CD8B2: variants seen among roughly 807,000 people sequenced by gnomAD.
CD8B2 encodes T-cell surface glycoprotein CD8 beta-2 chain.
A neutral mutation model predicts 23.7 loss-of-function variants in CD8B2; 11 were observed. The ratio of observed to expected loss-of-function variants is 0.46; its 90% confidence interval spans 0.29 to 0.77. The LOEUF (loss-of-function observed/expected upper bound fraction) is 0.77. CD8B2 is among the 30% of genes least tolerant of loss of function. The pLI is 0.09. For synonymous variants in CD8B2, 90 were observed against 109.3 expected (o/e 0.82, Z 1.10); for missense variants, 197 against 270.5 (o/e 0.73, Z 1.91).
intron 5 of CD8B2, among the ~76,000 whole-genome samples, chr2:106,532,182 T>G (rs1421146441): frequency 4.6e-5 from 7 of 152,220 alleles, no homozygotes; most frequent in African/African-American, 1.7e-4. Context: ...CATTTCTGTA[T>G]CTCCTTTGAA....
At chr2:106,500,808 T>A (rs993325742) in intron 3 of CD8B2, among the ~76,000 whole-genome samples, 3 of 151,604 alleles carry the variant, frequency 2.0e-5, no homozygotes, top group African/African-American at 7.3e-5. Context: ...TTTGGGACAT[T>A]GATAGTGTAA....
intron 3 of CD8B2, among the ~76,000 whole-genome samples, chr2:106,501,459 A>G (rs1252692994): frequency 2.6e-5 from 4 of 152,164 alleles, no homozygotes; most frequent in Admixed American, 2.0e-4. Flanking sequence ...AGGCGGGTGG[A>G]TCACTTGAGG....
chr2:106,524,197 T>C (rs934773151), intron 5 of CD8B2, among the ~76,000 whole-genome samples: 1 of 152,200 alleles, frequency 6.6e-6, no homozygotes, highest in Non-Finnish European at 1.5e-5. Flanking sequence ...CTTCCTGGGC[T>C]GGTTATTGTA....
intron 2 of CD8B2, among the ~76,000 whole-genome samples, chr2:106,493,728 C>T (rs1057149204): frequency 1.5e-4 from 23 of 152,170 alleles, no homozygotes; most frequent in Admixed American, 1.4e-3. Flanking sequence ...AATCTTTGCA[C>T]GTGAGGTAGT....
intron 5 of CD8B2, among the ~76,000 whole-genome samples, chr2:106,527,803 CAAA>C (rs1164963595): frequency 3.9e-5 from 1 of 25,816 alleles, no homozygotes; most frequent in East Asian, 1.3e-3. Flanking sequence ...CAAAACAAAA[CAAA>C]AAACAAACAA....
chr2:106,499,636 T>C (rs1397937283), intron 3 of CD8B2, among the ~76,000 whole-genome samples: 4 of 152,120 alleles, frequency 2.6e-5, no homozygotes, highest in Non-Finnish European at 5.9e-5. Context: ...ATTTACCAAG[T>C]TGGGCGACCG....
Position 106,508,574 on chromosome 2 carries a change from T to C in CD8B2, c.*1634T>C, listed in dbSNP as rs1679559219. ...GGAATAAACGCAGCAAAAGGAAGAA[T>C]TTATTGAAGTGAGAAAGCACTCCAC... On this transcript the variant is annotated 3_prime_UTR_variant, in exon 6 of 6. Coordinates refer to ENST00000643224, the MANE Select transcript of CD8B2 (RefSeq NM_001349727.2). The C allele has an allele frequency of 6.6e-6, 1 of 151,982 alleles. No individual in the cohort carries two copies. The highest frequency in any genetic ancestry group is 2.4e-5 in the African/African-American group (1 of 41,336). The allele number at this position is 151,982 out of a possible 1,614,324, so 9.4% of individuals were successfully genotyped here.
At chr2:106,489,099 T>G (rs1573326272) in intron 1 of CD8B2, among the ~76,000 whole-genome samples, 1 of 130,646 alleles carries the variant, frequency 7.7e-6, no homozygotes, top group Non-Finnish European at 1.6e-5. Context: ...GCCTCCCGGG[T>G]TCAAGCCATT....
intron 5 of CD8B2, among the ~76,000 whole-genome samples, chr2:106,519,395 A>G (rs925148876): frequency 2.6e-5 from 4 of 152,232 alleles, no homozygotes; most frequent in African/African-American, 9.6e-5. Flanking sequence ...TCTGAGTCTC[A>G]AACATTGGCC....
chr2:106,504,113 A>G (rs1679461439), intron 4 of CD8B2, among the ~76,000 whole-genome samples, 176 bp from the exon 5 acceptor site: 1 of 152,150 alleles, frequency 6.6e-6, no homozygotes, highest in Admixed American at 6.5e-5. Context: ...TATCCAACTC[A>G]GGTTTTCAGT....
chr2:106,491,706 C>T (rs1003748119), intron 2 of CD8B2, among the ~76,000 whole-genome samples: 2 of 152,106 alleles, frequency 1.3e-5, no homozygotes, highest in African/African-American at 2.4e-5. Flanking sequence ...AGCCACCACA[C>T]CTGGCTAATT....
At chr2:106,523,965 AGGAG>A (rs1679869533) in intron 5 of CD8B2, among the ~76,000 whole-genome samples, 1 of 152,200 alleles carries the variant, frequency 6.6e-6, no homozygotes, top group African/African-American at 2.4e-5. Flanking sequence ...TGTTAAGCCT[AGGAG>A]AGTAAATTTC....
chr2:106,515,081 G>A (rs982662608), downstream of CD8B2, among the ~76,000 whole-genome samples: 5 of 152,072 alleles, frequency 3.3e-5, no homozygotes, highest in African/African-American at 1.2e-4. Context: ...ATCTCCTTTC[G>A]CAACACTCTT....
intron 2 of CD8B2, among the ~76,000 whole-genome samples, chr2:106,493,309 C>T (rs1679229960): frequency 6.6e-6 from 1 of 152,228 alleles, no homozygotes; most frequent in African/African-American, 2.4e-5. Context: ...AGTTTTATTC[C>T]TTTTAAGAAC....
At position 106,535,962 on chromosome 2, in the gene CD8B2, G is replaced by A. The variant is rs113291118; in HGVS notation, c.621-8030G>A. Among the ~76,000 whole-genome samples the A allele has an allele frequency of 8.7e-3, 1,323 of 152,070 alleles. 7 individuals carry two copies. Among genetic ancestry groups the A allele is most frequent in the African/African-American group, 0.028 (1,170 of 41,454 alleles). On this transcript the variant is annotated intron_variant, in intron 5 of 5. Coordinates refer to the CD8B2 transcript ENST00000416057. ...AGTTTTCAATAATGGTGGAAGGCAC[G>A]CAGGGGAGGCAGGTATGTCTTACAT...
At chr2:106,494,304 C>T (rs1284118991) in intron 2 of CD8B2, among the ~76,000 whole-genome samples, 10 of 151,984 alleles carry the variant, frequency 6.6e-5, no homozygotes, top group Non-Finnish European at 1.3e-4. Context: ...CGTGCCACCA[C>T]GCCCAACTAA....
chr2:106,495,409 C>A (rs1378149141), intron 2 of CD8B2, among the ~76,000 whole-genome samples: 2 of 152,074 alleles, frequency 1.3e-5, no homozygotes, highest in Non-Finnish European at 2.9e-5. Flanking sequence ...TGCAGTGGTA[C>A]GCGCCTGTAA....
chr2:106,496,525 T>C (rs1679303813), intron 3 of CD8B2, among the ~76,000 whole-genome samples: 1 of 152,202 alleles, frequency 6.6e-6, no homozygotes, highest in Non-Finnish European at 1.5e-5. Context: ...CACAGCTTCA[T>C]TATTCATACT....
At chr2:106,527,644 G>A (rs966870342) in intron 5 of CD8B2, among the ~76,000 whole-genome samples, 2 of 152,124 alleles carry the variant, frequency 1.3e-5, no homozygotes, top group African/African-American at 2.4e-5. Flanking sequence ...AATTAGCTGG[G>A]CGTGGTAGCA....
Sources: gnomAD v4.1 joint callset for allele counts (sites outside exome capture counted in the v4.1 genomes callset) on GRCh38, gnomAD v4.1.1 for gene constraint, MANE v1.5 for transcripts, NCBI Gene and HGNC (gene_info 2026-07-23, HGNC 2026-07-21) for gene names.